The following GJB7 variants were observed in gnomAD, a reference collection of about 807,000 sequenced individuals.
The protein encoded by GJB7 is gap junction beta-7 protein.
For missense variants in GJB7, 253 were observed against 256.8 expected (o/e 0.99, Z 0.10); for synonymous variants, 87 against 95.2 (o/e 0.91, Z 0.50).
Position 87,283,205 on chromosome 6 carries a change from G to A in GJB7, c.*1036C>T, listed in dbSNP as rs1030509101. 3.9e-5 allele frequency: 6 copies of A among 152,114 alleles called. No homozygotes were observed. Among genetic ancestry groups the A allele is most frequent in the Non-Finnish European group, 7.4e-5 (5 of 68,018 alleles). The allele number at this position is 152,114 out of a possible 1,614,324, so 9.4% of individuals were successfully genotyped here. ...GGAGATATACTAGTAAATTATAGGCGAACTATGACTTACAGTATAGTACAT... is the reference window on the plus strand; with the variant it reads ...GGAGATATACTAGTAAATTATAGGCAAACTATGACTTACAGTATAGTACAT... On this transcript the variant is annotated 3_prime_UTR_variant, in exon 3 of 3. Transcript: ENST00000525899.
chr6:87,285,443 T>C (rs575819396), intron 2 of GJB7, among the ~76,000 whole-genome samples: 1 of 152,142 alleles, frequency 6.6e-6, no homozygotes, highest in South Asian at 2.1e-4. Context: ...GGTTCCCATA[T>C]CCCATATCAG....
chr6:87,294,871 A>G (rs761065641), intron 2 of GJB7, among the ~76,000 whole-genome samples: 5 of 152,166 alleles, frequency 3.3e-5, no homozygotes, highest in Admixed American at 6.5e-5. Flanking sequence ...TATCCAGCCC[A>G]TAGACTCTGA....
intron 2 of GJB7, among the ~76,000 whole-genome samples, chr6:87,286,879 T>C (rs1364996729): frequency 6.6e-6 from 1 of 152,252 alleles, no homozygotes; most frequent in African/African-American, 2.4e-5. Context: ...CAAAGTAAGA[T>C]GCAGAGCAGG....
At chr6:87,325,866 T>G (rs959120835) in intron 1 of GJB7, among the ~76,000 whole-genome samples, 16 of 152,368 alleles carry the variant, frequency 1.1e-4, no homozygotes, top group Admixed American at 2.0e-4. Context: ...TGTACCTCTG[T>G]TAGAATTCGG....
At chr6:87,288,428 A>T (rs528124050) in intron 2 of GJB7, among the ~76,000 whole-genome samples, 1 of 152,308 alleles carries the variant, frequency 6.6e-6, no homozygotes, top group Admixed American at 6.5e-5. Context: ...CATGTCGGAA[A>T]ATCATATAGT....
chr6:87,328,510 C>T (rs57631457), intron 1 of GJB7, among the ~76,000 whole-genome samples: 10,497 of 151,516 alleles, frequency 0.069, 891 homozygotes, highest in African/African-American at 0.18. Context: ...AGTACCCGGC[C>T]GTGTGAGGTA....
At chr6:87,310,832 T>C (rs1448254643) in intron 2 of GJB7, among the ~76,000 whole-genome samples, 1 of 152,190 alleles carries the variant, frequency 6.6e-6, no homozygotes, top group East Asian at 1.9e-4. Flanking sequence ...ACACACTTTG[T>C]ATAAGAATTA....
chr6:87,328,950 CGTG>C (rs1018073270), intron 1 of GJB7, among the ~76,000 whole-genome samples, 185 bp downstream of exon 1: 1 of 152,220 alleles, frequency 6.6e-6, no homozygotes, highest in African/African-American at 2.4e-5. Flanking sequence ...GATATAATCT[CGTG>C]GTGCGCCATT....
intron 2 of GJB7, among the ~76,000 whole-genome samples, chr6:87,321,518 G>A (rs1370850164): frequency 6.6e-6 from 1 of 152,090 alleles, no homozygotes; most frequent in Non-Finnish European, 1.5e-5. Flanking sequence ...GGTATAATGA[G>A]GCATATCCAA....
intron 1 of GJB7, among the ~76,000 whole-genome samples, chr6:87,325,952 T>C (rs934601968): frequency 3.9e-5 from 6 of 152,348 alleles, no homozygotes; most frequent in African/African-American, 1.4e-4. Flanking sequence ...GCTCCTGTTA[T>C]TGGTCTATTA....
At chr6:87,301,591 C>T (rs1179401638) in intron 2 of GJB7, among the ~76,000 whole-genome samples, 1 of 152,192 alleles carries the variant, frequency 6.6e-6, no homozygotes. Flanking sequence ...TGTATAGACT[C>T]CCCCTCTGGA....
intron 2 of GJB7, among the ~76,000 whole-genome samples, chr6:87,308,732 A>G (rs1317453790): frequency 6.6e-6 from 1 of 152,120 alleles, no homozygotes; most frequent in Non-Finnish European, 1.5e-5. Flanking sequence ...GATTAACACA[A>G]AGGAAAACTT....
rs183910224 is a variant in GJB7, at chr6:87,289,194, C to T, written c.-27-4255G>A. ...CCTCCTTCCTGCAATACTCTGGTCC[C>T]CTTAACCTGAATCAGAGTGGCTTTC... On this transcript the variant is annotated intron_variant, in intron 2 of 2. Coordinates refer to ENST00000525899, the MANE Select transcript of GJB7 (RefSeq NM_198568.3). Among the ~76,000 whole-genome samples, 10 of 152,292 alleles carry T rather than the reference C, an allele frequency of 6.6e-5. No homozygotes were observed. The East Asian group carries it at 1.5e-3, about 24-fold the overall frequency.
intron 2 of GJB7, chr6:87,300,429 A>G: frequency 4.0e-6 from 1 of 247,424 alleles, no homozygotes; most frequent in Admixed American, 3.6e-5. Flanking sequence ...CAGTGGGTGG[A>G]ATGGGAGGTG....
intron 2 of GJB7, among the ~76,000 whole-genome samples, chr6:87,290,455 G>A (rs1246384382): frequency 6.6e-6 from 1 of 152,082 alleles, no homozygotes; most frequent in East Asian, 1.9e-4. Context: ...TTTGAAGATG[G>A]CCTATTTGGA....
At chr6:87,320,869 G>T (rs2875533) in intron 2 of GJB7, among the ~76,000 whole-genome samples, 34,355 of 152,020 alleles carry the variant, frequency 0.23, 4,559 homozygotes, top group South Asian at 0.36. Flanking sequence ...TGGCTTCAAA[G>T]AATAGATGTG....
intron 2 of GJB7, among the ~76,000 whole-genome samples, chr6:87,312,299 G>T (rs529916417): frequency 4.6e-5 from 7 of 152,092 alleles, no homozygotes; most frequent in African/African-American, 1.7e-4. Context: ...GGATCACGAG[G>T]TCAAGAGTTC....
chr6:87,314,741 CT>C (rs1776557259), intron 2 of GJB7, among the ~76,000 whole-genome samples: 1 of 151,992 alleles, frequency 6.6e-6, no homozygotes, highest in African/African-American at 2.4e-5. Context: ...CCCTAGTCTA[CT>C]CAACATTCTT....
rs1289380192 is a variant in GJB7, at chr6:87,284,066, C to T, written c.*175G>A. 29 of 594,586 alleles carry T rather than the reference C, an allele frequency of 4.9e-5. 1 individual carries two copies. In the Admixed American group the frequency reaches 8.7e-4, roughly 18 times the overall value. 36.8% of individuals were successfully genotyped at this position (594,586 alleles called of 1,614,324 possible). ...AAGGCTGATGTGCTTTGTCTTCCAA[C>T]TCAGCTTAGGCCTTGCTGAGGAGGG... On this transcript the variant is annotated 3_prime_UTR_variant, in exon 3 of 3. Coordinates refer to ENST00000525899, the MANE Select transcript of GJB7 (RefSeq NM_198568.3).
Sources: allele counts gnomAD v4.1 joint callset (sites outside exome capture counted in the v4.1 genomes callset), GRCh38; gene constraint gnomAD v4.1.1; transcripts MANE v1.5; gene names NCBI Gene and HGNC (gene_info 2026-07-23, HGNC 2026-07-21).